Variants in HMCN1 observed in about 807,000 individuals in gnomAD.
The protein encoded by HMCN1 is hemicentin 1, also known as hemicentin-1.
HMCN1 carries 321 observed loss-of-function variants against 625.9 expected under a neutral mutation model. The ratio of observed to expected loss-of-function variants is 0.51; its 90% CI spans 0.47 to 0.56. The LOEUF (loss-of-function observed/expected upper bound fraction) is 0.56. Among genes scored for constraint, HMCN1 ranks in the 20% least tolerant of loss-of-function variants. The probability of loss-of-function intolerance (pLI) is 0.00; values close to 1 mark genes in which losing one functional copy is unlikely to be tolerated. For synonymous variants in HMCN1, 2,425 were observed against 2,417.6 expected, an observed-to-expected ratio of 1.00 and a Z score of -0.09; for missense variants, 6,588 against 6,887.3, an observed-to-expected ratio of 0.96 and a Z score of 1.54.
Position 186,188,260 on chromosome 1 carries a change from T to A in HMCN1, c.16541+251T>A, listed in dbSNP as rs188381431. ...GGAGCAGTCTTCCCAGAATATAACATGTAACATGGTGGGTTCTGCCTCAGC... is the reference window on the plus strand; with the variant it reads ...GGAGCAGTCTTCCCAGAATATAACAAGTAACATGGTGGGTTCTGCCTCAGC... On this transcript the variant is annotated intron_variant, in intron 106 of 106. Coordinates refer to ENST00000271588, the MANE Select transcript of HMCN1 (RefSeq NM_031935.3). 1.4e-3 allele frequency among the ~76,000 whole-genome samples: 208 copies of A among 152,308 alleles called. 1 individual carries two copies. The highest frequency in any genetic ancestry group is 0.01 in the Middle Eastern group (3 of 294).
At chr1:185,950,439 T>C (rs1298051401) in intron 11 of HMCN1, among the ~76,000 whole-genome samples, 1 of 151,884 alleles carries the variant, frequency 6.6e-6, no homozygotes, top group Non-Finnish European at 1.5e-5. Flanking sequence ...ACAGAAAGGC[T>C]ACAGGGAGTG....
At chr1:185,838,644 A>T (rs771785850) in intron 1 of HMCN1, among the ~76,000 whole-genome samples, 1 of 152,112 alleles carries the variant, frequency 6.6e-6, no homozygotes, top group Non-Finnish European at 1.5e-5. Flanking sequence ...ACAAAACACA[A>T]ATCCAAAAGA....
At chr1:186,081,457 T>C in intron 56 of HMCN1, 63 bp downstream of exon 56, 1 of 1,190,530 alleles carries the variant, frequency 8.4e-7, no homozygotes, top group Non-Finnish European at 1.2e-6. Context: ...GTAATAATTG[T>C]TTTTGACTTT....
At chr1:186,181,765 GTAATCTCAA>G (rs1652950200) in intron 104 of HMCN1, among the ~76,000 whole-genome samples, 1 of 152,068 alleles carries the variant, frequency 6.6e-6, no homozygotes, top group South Asian at 2.1e-4. Flanking sequence ...CTTTTTGCAA[GTAATCTCAA>G]TAGGAATATT....
chr1:185,996,587 C>T (rs747863170), intron 24 of HMCN1, among the ~76,000 whole-genome samples: 12 of 152,066 alleles, frequency 7.9e-5, no homozygotes, highest in Non-Finnish European at 1.5e-4. Flanking sequence ...GGGAGGGAAT[C>T]ATTCGGCTAG....
At chr1:186,130,345 A>T (rs991980728) in intron 84 of HMCN1, among the ~76,000 whole-genome samples, 162 bp from the exon 85 acceptor site, 1 of 152,190 alleles carries the variant, frequency 6.6e-6, no homozygotes, top group Non-Finnish European at 1.5e-5. Context: ...TGACAAAATT[A>T]TCTGGTGATT....
intron 49 of HMCN1, 40 bp from the exon 50 acceptor site, chr1:186,067,794 T>G (rs1217870448): frequency 1.4e-6 from 2 of 1,412,816 alleles, no homozygotes; most frequent in Non-Finnish European, 2.0e-6. Flanking sequence ...ATATACAAAT[T>G]TCTACATATA....
intron 40 of HMCN1, among the ~76,000 whole-genome samples, chr1:186,043,572 T>C (rs979891218): frequency 6.6e-6 from 1 of 152,208 alleles, no homozygotes; most frequent in African/African-American, 2.4e-5. Flanking sequence ...CGACTTTCAC[T>C]TCTGCAGTCA....
intron 1 of HMCN1, among the ~76,000 whole-genome samples, chr1:185,764,252 T>G (rs1391251181): frequency 6.6e-6 from 1 of 152,180 alleles, no homozygotes; most frequent in Non-Finnish European, 1.5e-5. Context: ...AAAAAAGATG[T>G]GCATGTTGAT....
intron 28 of HMCN1, among the ~76,000 whole-genome samples, 185 bp downstream of exon 28, chr1:186,001,926 C>T (rs1653229774): frequency 6.6e-6 from 1 of 151,948 alleles, no homozygotes; most frequent in South Asian, 2.1e-4. Context: ...TAAAGGGTTT[C>T]ATTATTTATA....
At chr1:185,871,505 T>C (rs1428880987) in intron 4 of HMCN1, among the ~76,000 whole-genome samples, 1 of 152,230 alleles carries the variant, frequency 6.6e-6, no homozygotes, top group Non-Finnish European at 1.5e-5. Flanking sequence ...TTAACTGCTA[T>C]TATTTTTATT....
chr1:186,138,067 A>G, intron 89 of HMCN1, 95 bp downstream of exon 89: 1 of 1,299,194 alleles, frequency 7.7e-7, no homozygotes. Flanking sequence ...CATTGTAAAA[A>G]GATGTTATGG....
At chr1:185,741,051 T>C (rs1653963793) in intron 1 of HMCN1, among the ~76,000 whole-genome samples, 1 of 152,046 alleles carries the variant, frequency 6.6e-6, no homozygotes, top group African/African-American at 2.4e-5. Flanking sequence ...CTGGCTTCCT[T>C]GGTTTTTGTC....
intron 4 of HMCN1, among the ~76,000 whole-genome samples, chr1:185,909,122 C>T (rs1238075220): frequency 6.6e-6 from 1 of 152,010 alleles, no homozygotes; most frequent in Non-Finnish European, 1.5e-5. Context: ...AGATAGAAAA[C>T]TTGAAATTTG....
In HMCN1 at chr1:186,076,003, T is replaced by C. The variant is rs147109620; in HGVS notation, c.8291-425T>C. ...TTATTTTTGTTAATGGAATTTTTAA[T>C]CCTGATTGCATAATTTCTTTAGCCT... On this transcript the variant is annotated intron_variant, in intron 53 of 106. Coordinates refer to ENST00000271588, the MANE Select transcript of HMCN1 (RefSeq NM_031935.3). 3.6e-3 allele frequency among the ~76,000 whole-genome samples: 547 copies of C among 152,338 alleles called. 4 individuals are homozygous for C. The highest frequency in any genetic ancestry group is 0.012 in the African/African-American group (512 of 41,588).
intron 16 of HMCN1, among the ~76,000 whole-genome samples, chr1:185,979,346 G>A (rs1369680098): frequency 6.6e-6 from 1 of 152,134 alleles, no homozygotes; most frequent in Non-Finnish European, 1.5e-5. Flanking sequence ...AGAGATGAGA[G>A]AAAGGGAACA....
chr1:185,890,227 G>C (rs891000528), intron 4 of HMCN1, among the ~76,000 whole-genome samples: 1 of 148,288 alleles, frequency 6.7e-6, no homozygotes, highest in Non-Finnish European at 1.5e-5. Flanking sequence ...CTTGCTAGCG[G>C]TCTATCAATT....
rs191794929 is a variant in HMCN1, at chr1:186,039,369, A to G, written c.6029-359A>G. On this transcript the variant is annotated intron_variant, in intron 38 of 106. Transcript: ENST00000271588. ...AAGACGAGTTGGTAGTTAACATACTACAGTGGATGCAGTGAAGGGGGTACA... is the reference window on the plus strand; with the variant it reads ...AAGACGAGTTGGTAGTTAACATACTGCAGTGGATGCAGTGAAGGGGGTACA... 2.8e-4 allele frequency among the ~76,000 whole-genome samples: 42 copies of G among 152,228 alleles called. No homozygotes were observed. The East Asian group carries it at 8.1e-3, about 29-fold the overall frequency.
intron 1 of HMCN1, among the ~76,000 whole-genome samples, chr1:185,826,428 T>C (rs541177401): frequency 2.7e-4 from 41 of 152,156 alleles, no homozygotes; most frequent in Non-Finnish European, 4.4e-4. Flanking sequence ...GCAGTAGACG[T>C]TGTAGATTAG....
Sources: allele counts gnomAD v4.1 joint callset (sites outside exome capture counted in the v4.1 genomes callset), GRCh38; gene constraint gnomAD v4.1.1; transcripts MANE v1.5; gene names NCBI Gene and HGNC (gene_info 2026-07-23, HGNC 2026-07-21).